The following PCDH11Y variants were observed in gnomAD, a reference collection of about 807,000 sequenced individuals.
PCDH11Y encodes the protein protocadherin-11 Y-linked.
For missense variants in PCDH11Y, 12 were observed against 224.8 expected, an observed-to-expected ratio of 0.05 and a Z score of 6.05; for synonymous variants, 9 against 83.6, an observed-to-expected ratio of 0.11 and a Z score of 4.87.
At chrY:5,017,174 C>CT (rs2052562073) in intron 1 of PCDH11Y, among the ~76,000 whole-genome samples, 1 of 32,953 alleles carries the variant, frequency 3.0e-5, no homozygotes, top group Non-Finnish European at 7.5e-5. Context: ...ACATAGCTAT[C>CT]TTTTTTTTCC....
At chrY:5,723,492 C>G in intron 4 of PCDH11Y, among the ~76,000 whole-genome samples, 1 of 32,144 alleles carries the variant, frequency 3.1e-5, no homozygotes, top group Non-Finnish European at 7.6e-5. Context: ...CATACACACA[C>G]ATATACATAC....
intron 1 of PCDH11Y, among the ~76,000 whole-genome samples, chrY:5,082,669 A>T: frequency 3.0e-5 from 1 of 33,023 alleles, no homozygotes; most frequent in African/African-American, 1.2e-4. Flanking sequence ...GTTTATTTGC[A>T]TAGAGGTGTT....
chrY:5,108,038 G>A (rs375473641), downstream of PCDH11Y, among the ~76,000 whole-genome samples: 1 of 18,650 alleles, frequency 5.4e-5, no homozygotes, highest in Non-Finnish European at 1.1e-4. Context: ...CAGCCTGGGC[G>A]ACAGAGCCAG....
chrY:5,235,286 G>C, intron 2 of PCDH11Y, among the ~76,000 whole-genome samples: 1 of 29,758 alleles, frequency 3.4e-5, no homozygotes, highest in Non-Finnish European at 8.0e-5. Flanking sequence ...CTGACTTTTA[G>C]GTTCAGGAGA....
chrY:5,109,514 A>G (rs1602869228), downstream of PCDH11Y, among the ~76,000 whole-genome samples: 2 of 33,011 alleles, frequency 6.1e-5, no homozygotes, highest in Admixed American at 2.8e-4. Context: ...ATTGTTTTAT[A>G]AACTATACAT....
chrY:5,337,215 T>A, intron 2 of PCDH11Y, among the ~76,000 whole-genome samples: 1 of 32,746 alleles, frequency 3.1e-5, no homozygotes, highest in South Asian at 7.0e-4. Flanking sequence ...ATTAAGAAAA[T>A]TTTGCTATTA....
At chrY:5,631,999 C>T (rs2053512672) in intron 4 of PCDH11Y, among the ~76,000 whole-genome samples, 2 of 33,016 alleles carry the variant, frequency 6.1e-5, no homozygotes, top group Non-Finnish European at 1.5e-4. Context: ...CTCATCTCTG[C>T]AATTATTAGC....
chrY:5,321,307 A>G, intron 2 of PCDH11Y, among the ~76,000 whole-genome samples: 1 of 32,529 alleles, frequency 3.1e-5, no homozygotes, highest in Non-Finnish European at 7.5e-5. Flanking sequence ...CGAGAACAGT[A>G]TGAGGGAAAC....
intron 3 of PCDH11Y, among the ~76,000 whole-genome samples, chrY:5,560,089 C>A: frequency 3.0e-5 from 1 of 33,020 alleles, no homozygotes; most frequent in South Asian, 6.9e-4. Flanking sequence ...AAATGAGGAA[C>A]TGGAGCAAAA....
At chrY:5,163,913 T>C in intron 2 of PCDH11Y, among the ~76,000 whole-genome samples, 1 of 34,999 alleles carries the variant, frequency 2.9e-5, no homozygotes. Flanking sequence ...TTGGAGTTTA[T>C]AACATATATA....
intron 4 of PCDH11Y, among the ~76,000 whole-genome samples, chrY:5,736,035 T>C (rs2124715739): frequency 3.0e-5 from 1 of 33,326 alleles, no homozygotes; most frequent in East Asian, 7.9e-4. Context: ...CTTTCATTTC[T>C]TTTTCTTGCT....
chrY:5,470,588 C>A (rs2053313272), intron 2 of PCDH11Y, among the ~76,000 whole-genome samples: 1 of 31,550 alleles, frequency 3.2e-5, no homozygotes, highest in African/African-American at 1.2e-4. Flanking sequence ...TGCCTGGAGG[C>A]GTGGCTATTT....
At chrY:5,360,035 A>G in intron 2 of PCDH11Y, among the ~76,000 whole-genome samples, 1 of 32,215 alleles carries the variant, frequency 3.1e-5, no homozygotes, top group African/African-American at 1.2e-4. Flanking sequence ...GATTTTGTAC[A>G]GTAAAAGATT....
At chrY:5,245,191 C>G (rs2124656053) in intron 2 of PCDH11Y, among the ~76,000 whole-genome samples, 2 of 33,222 alleles carry the variant, frequency 6.0e-5, no homozygotes, top group African/African-American at 2.3e-4. Context: ...TCTGAGAAAT[C>G]TGGGAAGCCC....
At chrY:5,231,927 A>G (rs1197681274) in intron 2 of PCDH11Y, among the ~76,000 whole-genome samples, 151 of 32,597 alleles carry the variant, frequency 4.6e-3, no homozygotes, top group Admixed American at 0.021. Context: ...CATAGCCACC[A>G]CCACCTCAGG....
At chrY:5,257,864 T>C in intron 2 of PCDH11Y, among the ~76,000 whole-genome samples, 20 of 29,430 alleles carry the variant, frequency 6.8e-4, no homozygotes, top group Non-Finnish European at 1.3e-3. Context: ...TTGAGTAGGA[T>C]TGGCATTAGT....
chrY:5,346,332 C>A (rs569063090), intron 2 of PCDH11Y, among the ~76,000 whole-genome samples: 1 of 32,339 alleles, frequency 3.1e-5, no homozygotes, highest in South Asian at 7.1e-4. Flanking sequence ...CGTGTTCAAG[C>A]GATTCTCCTG....
intron 2 of PCDH11Y, among the ~76,000 whole-genome samples, chrY:5,455,658 A>G: frequency 3.0e-5 from 1 of 33,000 alleles, no homozygotes; most frequent in Non-Finnish European, 7.4e-5. Flanking sequence ...CTTTTGAGGA[A>G]CCCTCAGGAA....
intron 2 of PCDH11Y, among the ~76,000 whole-genome samples, chrY:5,390,643 A>G: frequency 3.0e-5 from 1 of 33,292 alleles, no homozygotes; most frequent in Non-Finnish European, 7.4e-5. Context: ...CATTTCTAGT[A>G]CTTCCTGTTA....
Sources: gnomAD v4.1 joint callset for allele counts (sites outside exome capture counted in the v4.1 genomes callset) on GRCh38, gnomAD v4.1.1 for gene constraint, MANE v1.5 for transcripts, NCBI Gene and HGNC (gene_info 2026-07-23, HGNC 2026-07-21) for gene names.